Variants in EBF2 observed in about 807,000 individuals in gnomAD.
EBF2 encodes EBF transcription factor 2, also known as transcription factor COE2.
In EBF2, 21 loss-of-function variants were observed where a neutral mutation model predicts 72.8. The ratio of observed to expected loss-of-function variants is 0.29; its 90% confidence interval spans 0.20 to 0.42. EBF2 has a LOEUF of 0.42. Among genes scored for constraint, EBF2 ranks in the 10% least tolerant of loss-of-function variants. EBF2 has a pLI of 1.00. For synonymous variants in EBF2, 299 were observed against 274.2 expected (o/e 1.09, Z -0.89); for missense variants, 637 against 731.2 (o/e 0.87, Z 1.49).
chr8:25,874,117 T>TA (rs1220887103), intron 10 of EBF2, among the ~76,000 whole-genome samples: 2 of 152,154 alleles, frequency 1.3e-5, no homozygotes, highest in Non-Finnish European at 2.9e-5. Context: ...TATTTTTAAC[T>TA]AAAAATCAGA....
intron 6 of EBF2, among the ~76,000 whole-genome samples, chr8:25,985,410 T>C (rs1563200059): frequency 6.6e-6 from 1 of 152,152 alleles, no homozygotes; most frequent in East Asian, 1.9e-4. Context: ...TCTGGGGAAG[T>C]AGAGAGGTTT....
intron 10 of EBF2, among the ~76,000 whole-genome samples, chr8:25,866,588 TTATATA>T (rs1201452616): frequency 7.4e-6 from 1 of 134,794 alleles, no homozygotes; most frequent in African/African-American, 2.9e-5. Context: ...ATAATAATTT[TTATATA>T]ATATAATATA....
At chr8:25,932,433 A>T (rs1803500368) in intron 6 of EBF2, among the ~76,000 whole-genome samples, 1 of 151,664 alleles carries the variant, frequency 6.6e-6, no homozygotes, top group South Asian at 2.1e-4. Flanking sequence ...TCTGGAGCAG[A>T]CATTAAATTG....
chr8:25,999,204 T>C (rs149947603), intron 6 of EBF2, among the ~76,000 whole-genome samples: 30 of 152,306 alleles, frequency 2.0e-4, no homozygotes, highest in African/African-American at 7.0e-4. Flanking sequence ...CAAACTGTTA[T>C]TAAATTGTCT....
At chr8:25,981,271 C>T (rs774626119) in intron 6 of EBF2, among the ~76,000 whole-genome samples, 1 of 152,098 alleles carries the variant, frequency 6.6e-6, no homozygotes, top group Non-Finnish European at 1.5e-5. Context: ...GTGGCCTAGA[C>T]CTTGGCCAGA....
At chr8:25,862,610 G>C (rs1340311799) in intron 11 of EBF2, 99 bp downstream of exon 11, 10 of 838,622 alleles carry the variant, frequency 1.2e-5, no homozygotes, top group Non-Finnish European at 1.8e-5. Context: ...AAATTTCAAG[G>C]CCTAATTAAT....
intron 6 of EBF2, among the ~76,000 whole-genome samples, chr8:25,937,321 TC>T (rs1187764608): frequency 6.6e-6 from 1 of 152,114 alleles, no homozygotes; most frequent in South Asian, 2.1e-4. Context: ...TCCAAAAATG[TC>T]CCCGACACCC....
chr8:25,883,545 C>T (rs1802637685), intron 10 of EBF2, among the ~76,000 whole-genome samples: 2 of 151,910 alleles, frequency 1.3e-5, no homozygotes, highest in Admixed American at 1.3e-4. Flanking sequence ...ACACTTCTAC[C>T]TTCAGAAATC....
intron 6 of EBF2, among the ~76,000 whole-genome samples, chr8:25,938,414 T>G (rs772286044): frequency 7.2e-5 from 11 of 151,978 alleles, no homozygotes; most frequent in Non-Finnish European, 1.5e-4. Flanking sequence ...TCTTTCAGTT[T>G]TTTTCTTGCT....
At position 26,004,337 on chromosome 8, in the gene EBF2, C is replaced by T. The variant is rs906543723; in HGVS notation, c.551+28748G>A. Among the ~76,000 whole-genome samples, 11 of 152,226 alleles carry T rather than the reference C, an allele frequency of 7.2e-5. No homozygotes were observed. The East Asian group carries it at 1.9e-3, about 27-fold the overall frequency. On this transcript the variant is annotated intron_variant, in intron 6 of 15. Coordinates refer to ENST00000520164, the MANE Select transcript of EBF2 (RefSeq NM_022659.4). ...TATCATGATTTACATTGATGCCCAA[C>T]TTCCAAATTGTACTCAAAGTGTAAT...
intron 14 of EBF2, among the ~76,000 whole-genome samples, chr8:25,853,775 G>C (rs908419951): frequency 1.3e-5 from 2 of 151,942 alleles, no homozygotes; most frequent in African/African-American, 4.8e-5. Context: ...TACAATAGAA[G>C]GCTATGCCAA....
At chr8:25,997,571 CAAAAA>C (rs11302993) in intron 6 of EBF2, among the ~76,000 whole-genome samples, 1 of 130,192 alleles carries the variant, frequency 7.7e-6, no homozygotes. Flanking sequence ...GATCCTATCT[CAAAAA>C]AAAAAAAAAA....
chr8:25,936,721 G>A (rs1022526287), intron 6 of EBF2, among the ~76,000 whole-genome samples: 3 of 152,118 alleles, frequency 2.0e-5, no homozygotes, highest in African/African-American at 7.2e-5. Flanking sequence ...GGGATGTTAT[G>A]TCTTCCATGG....
intron 6 of EBF2, among the ~76,000 whole-genome samples, chr8:25,973,748 C>G (rs1456196213): frequency 6.6e-6 from 1 of 152,060 alleles, no homozygotes; most frequent in Non-Finnish European, 1.5e-5. Context: ...GGATCATGGC[C>G]CACTGCAGCC....
chr8:26,002,958 G>A (rs1269206563), intron 6 of EBF2, among the ~76,000 whole-genome samples: 1 of 149,838 alleles, frequency 6.7e-6, no homozygotes, highest in African/African-American at 2.5e-5. Flanking sequence ...GGGCAGGCAG[G>A]CAGGCAGGCA....
At chr8:25,960,969 A>G (rs750632853) in intron 6 of EBF2, among the ~76,000 whole-genome samples, 6 of 152,212 alleles carry the variant, frequency 3.9e-5, no homozygotes, top group African/African-American at 9.7e-5. Context: ...TATGTGCATA[A>G]AAGTGTTAAG....
At chr8:26,007,656 T>TA (rs1476821413) in intron 6 of EBF2, among the ~76,000 whole-genome samples, 3 of 152,172 alleles carry the variant, frequency 2.0e-5, no homozygotes, top group Non-Finnish European at 2.9e-5. Flanking sequence ...ATGAAGCTCC[T>TA]AGGCTCACGC....
chr8:25,852,858 C>T (rs1314611692), intron 14 of EBF2, among the ~76,000 whole-genome samples: 2 of 151,136 alleles, frequency 1.3e-5, no homozygotes, highest in Non-Finnish European at 3.0e-5. Context: ...TAAAACAACA[C>T]CGTAAGAGAC....
intron 6 of EBF2, among the ~76,000 whole-genome samples, chr8:25,990,850 T>C (rs1203780770): frequency 6.6e-6 from 1 of 152,232 alleles, no homozygotes; most frequent in Non-Finnish European, 1.5e-5. Flanking sequence ...AACGGAAATA[T>C]GTCACTTAAA....
Sources: gnomAD v4.1 joint callset for allele counts (sites outside exome capture counted in the v4.1 genomes callset) on GRCh38, gnomAD v4.1.1 for gene constraint, MANE v1.5 for transcripts, NCBI Gene and HGNC (gene_info 2026-07-23, HGNC 2026-07-21) for gene names.